The following SLC30A7 variants were observed in gnomAD, a reference collection of about 807,000 sequenced individuals.
SLC30A7 encodes zinc transporter 7.
Under a neutral mutation model 46.0 loss-of-function variants are expected in SLC30A7, and 35 were observed. That is an observed-to-expected ratio of 0.76 (90% CI 0.58 to 1.01). SLC30A7 has a LOEUF of 1.01. Ranked by LOEUF, SLC30A7 falls within the 50% of genes least tolerant of loss-of-function variation. The pLI, the probability that SLC30A7 is intolerant of heterozygous loss-of-function variation, is 0.00. For missense variants in SLC30A7, 464 were observed against 451.1 expected (o/e 1.03, Z -0.26); for synonymous variants, 147 against 157.8 (o/e 0.93, Z 0.51).
In SLC30A7 at chr1:100,906,939, G is replaced by C. The variant is rs776262113; in HGVS notation, c.270G>C (p.Trp90Cys). ...TGGCAGCTTCTGTTATTTCAAAATG[G>C]AGAGATAATGATGCTTTCTCCTATG... ...AGLAASVISKWRDNDAFSYGY... is the reference protein window; with the variant it reads ...AGLAASVISKCRDNDAFSYGY... The change falls in exon 3 of 11, where the codon TGG (tryptophan) becomes TGC (cysteine). Residue 90 changes from tryptophan (W) to cysteine (C), a missense_variant. Coordinates refer to ENST00000357650, the MANE Select transcript of SLC30A7 (RefSeq NM_133496.5). The C allele has an allele frequency of 1.2e-6, 2 of 1,611,878 alleles. No individual in the cohort carries two copies. The highest frequency in any genetic ancestry group is 1.7e-4 in the Middle Eastern group (1 of 6,052).
At chr1:100,987,856 A>G in the SLC30A7 span, among the ~76,000 whole-genome samples, 1 of 152,142 alleles carries the variant, frequency 6.6e-6, no homozygotes, top group South Asian at 2.1e-4. Flanking sequence ...ATATTATGTT[A>G]AAGGTTTCAT....
At chr1:100,994,533 C>T in the SLC30A7 span, among the ~76,000 whole-genome samples, 1 of 151,582 alleles carries the variant, frequency 6.6e-6, no homozygotes, top group Admixed American at 6.6e-5. Context: ...AGGACTCAAA[C>T]CCATGCCTTT....
chr1:100,911,828 A>G (rs985664258), intron 4 of SLC30A7, among the ~76,000 whole-genome samples: 6 of 152,160 alleles, frequency 3.9e-5, no homozygotes, highest in Admixed American at 2.0e-4. Flanking sequence ...CTGAGATTAC[A>G]AGTGTGAGCC....
chr1:100,975,828 GTTTTTTTTTTTTTTT>G lies in SLC30A7; in HGVS notation c.*984_*998del, dbSNP rs10604120. Reference sequence around the variant, plus strand: ...GGTGTGAGCCACCACGCCCGGCTATGTTTTTTTTTTTTTTTTTTTTTTTTTTTAACAATGGATATT... The same window carrying G: ...GGTGTGAGCCACCACGCCCGGCTATGTTTTTTTTTTTTAACAATGGATATT... On this transcript the variant is annotated 3_prime_UTR_variant, in exon 11 of 11. Transcript: ENST00000357650. The G allele has an allele frequency of 1.0e-4, 10 of 99,112 alleles. No homozygotes were observed. Among genetic ancestry groups the G allele is most frequent in the Non-Finnish European group, 1.4e-4 (7 of 48,736 alleles). 6.1% of individuals were successfully genotyped at this position (99,112 alleles called of 1,614,324 possible). A position where few individuals can be genotyped will look rare whatever the true frequency, so the allele number is the denominator to read the frequency against.
chr1:100,907,660 C>T (rs1453099442), intron 3 of SLC30A7, among the ~76,000 whole-genome samples: 1 of 151,630 alleles, frequency 6.6e-6, no homozygotes, highest in African/African-American at 2.4e-5. Context: ...TTTCCTATTC[C>T]CTCTCTCTTC....
Position 100,918,126 on chromosome 1 carries a change from A to T in SLC30A7, c.705A>T (p.Gln235His), listed in dbSNP as rs1182237731. Reference protein sequence around the residue: ...ETTGPSRQILQGVFLHILADT... With the variant: ...ETTGPSRQILHGVFLHILADT... ...CAGGACCCAGCAGACAGATTTTACA[A>T]GGTATGACAAGCAATTTTTATGTTT... Residue 235 changes from glutamine (Q) to histidine (H), a missense_variant and splice_region_variant, in exon 7 of 11, where the codon CAA becomes CAT. Coordinates refer to ENST00000357650, the MANE Select transcript of SLC30A7 (RefSeq NM_133496.5). 4 of 1,611,000 alleles carry T rather than the reference A, an allele frequency of 2.5e-6. No individual in the cohort carries two copies. The highest frequency in any genetic ancestry group is 2.5e-6 in the Non-Finnish European group (3 of 1,177,902).
At chr1:100,960,975 C>T (rs1377534843) in intron 8 of SLC30A7, among the ~76,000 whole-genome samples, 5 of 113,510 alleles carry the variant, frequency 4.4e-5, no homozygotes, top group African/African-American at 3.5e-5. Context: ...TTTTTTTAGA[C>T]GGAGAGTCTC....
chr1:100,972,351 G>A (rs964189947), intron 10 of SLC30A7: 1 of 247,448 alleles, frequency 4.0e-6, no homozygotes, highest in African/African-American at 2.4e-5. Context: ...AAAGCAAAAT[G>A]ACTTTTTTTT....
At chr1:100,925,302 A>C (rs1279383943) in intron 8 of SLC30A7, among the ~76,000 whole-genome samples, 1 of 152,238 alleles carries the variant, frequency 6.6e-6, no homozygotes, top group Non-Finnish European at 1.5e-5. Context: ...AAGTTGGAGA[A>C]ATAGGCTGGG....
intron 8 of SLC30A7, among the ~76,000 whole-genome samples, chr1:100,942,803 A>T (rs901823556): frequency 6.6e-6 from 1 of 152,188 alleles, no homozygotes; most frequent in African/African-American, 2.4e-5. Context: ...TTAACATTTC[A>T]TCTTAGACAT....
Position 100,975,743 on chromosome 1 carries a change from G to A in SLC30A7, c.*886G>A, listed in dbSNP as rs1656435346. ...GGGTTTCACCATGTTGGCCAGGATG[G>A]TCTTGATCTCTTGACCTCGTGATCC... On this transcript the variant is annotated 3_prime_UTR_variant, in exon 11 of 11. Coordinates refer to ENST00000357650, the MANE Select transcript of SLC30A7 (RefSeq NM_133496.5). 1 of 151,776 alleles carries A rather than the reference G, an allele frequency of 6.6e-6. No individual in the cohort carries two copies. The highest frequency in any genetic ancestry group is 2.4e-5 in the African/African-American group (1 of 41,218). The allele number at this position is 151,776 out of a possible 1,614,324, so 9.4% of individuals were successfully genotyped here. A position where few individuals can be genotyped will look rare whatever the true frequency, so the allele number is the denominator to read the frequency against.
intron 8 of SLC30A7, among the ~76,000 whole-genome samples, chr1:100,939,395 T>G (rs1654200543): frequency 6.6e-6 from 1 of 152,182 alleles, no homozygotes; most frequent in Non-Finnish European, 1.5e-5. Flanking sequence ...AACTGAATGA[T>G]GTAATTAAAG....
At chr1:100,961,223 A>G (rs1655533563) in intron 8 of SLC30A7, among the ~76,000 whole-genome samples, 1 of 151,944 alleles carries the variant, frequency 6.6e-6, no homozygotes, top group South Asian at 2.1e-4. Flanking sequence ...GGCTTCCCAA[A>G]GTGCTGGGAT....
Position 100,958,444 on chromosome 1 carries a change from G to C in SLC30A7, c.843-3384G>C, listed in dbSNP as rs184446510. ...ACCCGCCTTGGCCTCCCAAAGTGCTGGGATTACAGGCGTGAGCCACCGCAC... is the reference window on the plus strand; with the variant it reads ...ACCCGCCTTGGCCTCCCAAAGTGCTCGGATTACAGGCGTGAGCCACCGCAC... On this transcript the variant is annotated intron_variant, in intron 8 of 10. Transcript: ENST00000357650. Among the ~76,000 whole-genome samples the C allele has an allele frequency of 5.0e-3, 757 of 152,308 alleles. 13 individuals are homozygous for C. The highest frequency in any genetic ancestry group is 0.017 in the African/African-American group (723 of 41,562).
chr1:100,918,319 C>T (rs1652724082), intron 7 of SLC30A7, among the ~76,000 whole-genome samples, 192 bp downstream of exon 7: 1 of 152,076 alleles, frequency 6.6e-6, no homozygotes, highest in South Asian at 2.1e-4. Context: ...TGTCACTTGA[C>T]TGTTTTCTCT....
At chr1:100,907,241 G>A (rs1651736809) in intron 3 of SLC30A7, among the ~76,000 whole-genome samples, 1 of 152,090 alleles carries the variant, frequency 6.6e-6, no homozygotes, top group Admixed American at 6.6e-5. Context: ...TTTTGAAGAA[G>A]AAAGTTTTAG....
At chr1:100,933,334 T>G (rs1319889660) in intron 8 of SLC30A7, among the ~76,000 whole-genome samples, 2 of 152,182 alleles carry the variant, frequency 1.3e-5, no homozygotes, top group African/African-American at 4.8e-5. Context: ...TATACTTTGC[T>G]GCCCCTGTAC....
chr1:100,903,241 C>G (rs183765461), intron 2 of SLC30A7, among the ~76,000 whole-genome samples: 101 of 152,036 alleles, frequency 6.6e-4, no homozygotes, highest in Middle Eastern at 3.4e-3. Context: ...TTTCTGAAAT[C>G]AAATTTTAAC....
chr1:100,921,147 G>A (rs1652907726), intron 7 of SLC30A7, among the ~76,000 whole-genome samples: 1 of 152,050 alleles, frequency 6.6e-6, no homozygotes, highest in East Asian at 1.9e-4. Flanking sequence ...ATCAGTGCCT[G>A]CTTTCACGTC....
Sources: allele counts gnomAD v4.1 joint callset (sites outside exome capture counted in the v4.1 genomes callset), GRCh38; gene constraint gnomAD v4.1.1; transcripts MANE v1.5; gene names NCBI Gene and HGNC (gene_info 2026-07-23, HGNC 2026-07-21).